The following ZFP69B variants were observed in gnomAD, a reference collection of about 807,000 sequenced individuals.
The protein encoded by ZFP69B is ZFP69 zinc finger protein B, also known as zinc finger protein 69 homolog B.
ZFP69B carries 20 observed loss-of-function variants against 19.7 expected under a neutral mutation model. That is an observed-to-expected ratio of 1.02 (90% CI 0.71 to 1.48). The LOEUF is 1.48. Among genes scored for constraint, ZFP69B ranks in the 40% most tolerant of loss-of-function variants. The pLI is 0.00. For synonymous variants in ZFP69B, 220 were observed against 222.7 expected (o/e 0.99, Z 0.11); for missense variants, 583 against 632.6 (o/e 0.92, Z 0.84).
In ZFP69B at chr1:40,456,965, C is replaced by T. The variant is rs765299500; in HGVS notation, c.234C>T (p.Asp78=). The change falls in exon 3 of 5, where the codon GAC becomes GAT. Residue 78 remains aspartate (D), a synonymous_variant. Coordinates refer to ENST00000361584, the MANE Select transcript of ZFP69B (RefSeq NM_023070.3). ...TCTAGGAACTGTTAACCTTCAAGGACGTATCTGTGGACTTCACTCAGGAGG... is the reference window on the plus strand; with the variant it reads ...TCTAGGAACTGTTAACCTTCAAGGATGTATCTGTGGACTTCACTCAGGAGG... ...AESQELLTFK[D]VSVDFTQEEW... The T allele has an allele frequency of 5.6e-6, 9 of 1,613,912 alleles. No homozygotes were observed. The highest frequency in any genetic ancestry group is 1.1e-5 in the South Asian group (1 of 91,072).
At position 40,450,481 on chromosome 1, in the gene ZFP69B, C is replaced by A. The variant is rs183712738; in HGVS notation, c.-481C>A. ...CCCAAACAAAGAATTGGGTTGTATT[C>A]GTCTCTTTGTGCTTCCTGACATGTG... On this transcript the variant is annotated 5_prime_UTR_variant, in exon 1 of 5. Transcript: ENST00000361584. 1.4e-3 allele frequency among the ~76,000 whole-genome samples: 209 copies of A among 152,296 alleles called. No individual in the cohort carries two copies. The highest frequency in any genetic ancestry group is 4.9e-3 in the African/African-American group (204 of 41,560).
At position 40,462,866 on chromosome 1, in the gene ZFP69B, T is replaced by G. The variant is rs527970050; in HGVS notation, c.882T>G (p.Leu294=). 6.2e-7 allele frequency: 1 copy of G among 1,614,172 alleles called. No homozygotes were observed. The highest frequency in any genetic ancestry group is 1.3e-5 in the African/African-American group (1 of 75,068). ...AAATCTTCAAACAGCTTATTCACCT[T>G]ACTGAACACATGAGAATTCATACCG... ...CEKIFKQLIH[L]TEHMRIHTGE... is the part of the protein sequence containing the mutation. Residue 294 remains leucine, a synonymous_variant, in exon 5 of 5, where the codon CTT becomes CTG. Coordinates refer to ENST00000361584, the MANE Select transcript of ZFP69B (RefSeq NM_023070.3).
At position 40,463,135 on chromosome 1, in the gene ZFP69B, C is replaced by T. The variant is rs1557517912; in HGVS notation, c.1151C>T (p.Thr384Ile). 1.2e-6 allele frequency: 2 copies of T among 1,614,142 alleles called. No homozygotes were observed. The highest frequency in any genetic ancestry group is 2.2e-5 in the South Asian group (2 of 91,090). Residue 384 changes from threonine to isoleucine, a missense_variant, in exon 5 of 5, where the codon ACT (threonine) becomes ATT (isoleucine). Thr to Ile is a moderately conservative substitution (Grantham distance 89). Coordinates refer to ENST00000361584, the MANE Select transcript of ZFP69B (RefSeq NM_023070.3). Reference sequence around the variant, plus strand: ...ATTGGACTGATCCAGCATTTGAGAACTCATGTTAGAGAGAAACCTTTTACA... The same window carrying T: ...ATTGGACTGATCCAGCATTTGAGAATTCATGTTAGAGAGAAACCTTTTACA... ...QSIGLIQHLRTHVREKPFTCK... is the reference protein window; with the variant it reads ...QSIGLIQHLRIHVREKPFTCK...
chr1:40,457,480 A>G, intron 4 of ZFP69B, 41 bp downstream of exon 4: 2 of 1,564,582 alleles, frequency 1.3e-6, no homozygotes, highest in South Asian at 1.1e-5. Flanking sequence ...TGTTAGCCAG[A>G]GAATTCCCCT....
At chr1:40,456,897 A>G (rs1351691490) in intron 2 of ZFP69B, 48 bp from the exon 3 acceptor site, 2 of 1,576,280 alleles carry the variant, frequency 1.3e-6, no homozygotes. Context: ...CAAAAGTCAG[A>G]ACAACTTCCC....
intron 1 of ZFP69B, among the ~76,000 whole-genome samples, chr1:40,451,766 C>G (rs1228788194): frequency 2.6e-5 from 4 of 152,002 alleles, no homozygotes; most frequent in African/African-American, 9.7e-5. Flanking sequence ...CTTTTAGATC[C>G]TCTTCAGTTG....
chr1:40,454,883 G>A (rs1292987677), intron 2 of ZFP69B, among the ~76,000 whole-genome samples: 1 of 152,200 alleles, frequency 6.6e-6, no homozygotes, highest in African/African-American at 2.4e-5. Flanking sequence ...AGGAAATAGA[G>A]AGGAGAAGAA....
At position 40,462,624 on chromosome 1, in the gene ZFP69B, A is replaced by G; in HGVS notation, c.640A>G (p.Lys214Glu). 6.2e-7 allele frequency: 1 copy of G among 1,613,978 alleles called. No individual in the cohort carries two copies. The change falls in exon 5 of 5, where the codon AAG becomes GAG. Residue 214 changes from lysine (K) to glutamate (E), a missense_variant. Coordinates refer to ENST00000361584, the MANE Select transcript of ZFP69B (RefSeq NM_023070.3). The stretch of plus-strand genomic sequence containing the variant: ...TAAGGGGCAAATCCCCCTGATGTGC[A>G]AGAAAACATTCACTCAGGAGAGAGG... ...MGKGQIPLMC[K>E]KTFTQERGQE... is the part of the protein sequence containing the mutation.
Position 40,462,985 on chromosome 1 carries a change from C to T in ZFP69B, c.1001C>T (p.Pro334Leu). 1 of 1,614,018 alleles carries T rather than the reference C, an allele frequency of 6.2e-7. No homozygotes were observed. The highest frequency in any genetic ancestry group is 8.5e-7 in the Non-Finnish European group (1 of 1,180,004). Residue 334 changes from proline (P) to leucine (L), a missense_variant, in exon 5 of 5, where the codon CCC (proline) becomes CTC (leucine). Pro to Leu is a moderately conservative substitution (Grantham distance 98). Transcript: ENST00000361584. ...CAGAGAATTCATACTGGTGAGAAAC[C>T]CTATGAATGTAAGGAGTGTGGGAAA... ...PHQRIHTGEKPYECKECGKTF... is the reference protein window; with the variant it reads ...PHQRIHTGEKLYECKECGKTF...
intron 4 of ZFP69B, among the ~76,000 whole-genome samples, chr1:40,458,511 TG>T (rs1319660781): frequency 5.4e-4 from 75 of 138,834 alleles, no homozygotes; most frequent in African/African-American, 2.0e-3. Context: ...CTGGAGAAAT[TG>T]TTTTTTTTTT....
chr1:40,457,938 A>G (rs1299590907), intron 4 of ZFP69B, among the ~76,000 whole-genome samples: 1 of 152,224 alleles, frequency 6.6e-6, no homozygotes. Context: ...CATGCCAGAA[A>G]ATTTATGGCT....
At position 40,463,594 on chromosome 1, in the gene ZFP69B, T is replaced by A; in HGVS notation, c.*5T>A. ...ACCTTCAGCAATGTTGTGTGAAATA[T>A]ACTAAACATCAAAGAATCTATGTTG... is the stretch of plus-strand genomic sequence containing the variant. On this transcript the variant is annotated 3_prime_UTR_variant, in exon 5 of 5. Transcript: ENST00000361584. 6.3e-7 allele frequency: 1 copy of A among 1,577,698 alleles called. No individual in the cohort carries two copies. Among genetic ancestry groups the A allele is most frequent in the Non-Finnish European group, 8.6e-7 (1 of 1,161,078 alleles).
In ZFP69B at chr1:40,457,085, C is replaced by G. The variant is rs767285420; in HGVS notation, c.340+14C>G. On this transcript the variant is annotated intron_variant, in intron 3 of 4. Transcript: ENST00000361584. Reference sequence around the variant, plus strand: ...TGGTCTCAGTGGGTAAGGATGGGCTCCTCTTGAAAATAGAACGTACCTATT... The same window carrying G: ...TGGTCTCAGTGGGTAAGGATGGGCTGCTCTTGAAAATAGAACGTACCTATT... 7 of 1,587,272 alleles carry G rather than the reference C, an allele frequency of 4.4e-6. No homozygotes were observed. The East Asian group carries it at 1.3e-4, about 30-fold the overall frequency.
chr1:40,462,576 C>T lies in ZFP69B; in HGVS notation c.592C>T (p.Gln198Ter). 1 of 1,613,984 alleles carries T rather than the reference C, an allele frequency of 6.2e-7. No individual in the cohort carries two copies. Among genetic ancestry groups the T allele is most frequent in the Non-Finnish European group, 8.5e-7 (1 of 1,179,990 alleles). The change falls in exon 5 of 5, where the codon CAA becomes TAA. Residue 198 changes from glutamine to a stop codon, truncating the protein, a stop_gained. Transcript: ENST00000361584. LOFTEE classifies it low-confidence loss of function (END_TRUNC). ...CTCCAAATGTAATAAGCTAGAAAGCCAACAAGAGAACCAAAGAATGGGTAA... is the reference window on the plus strand; with the variant it reads ...CTCCAAATGTAATAAGCTAGAAAGCTAACAAGAGAACCAAAGAATGGGTAA... The part of the protein sequence containing the change: ...RISKCNKLES[Q>*]QENQRMGKGQ...
rs946487160 is a variant in ZFP69B, at chr1:40,462,978, G to A, written c.994G>A (p.Glu332Lys). 1 of 1,614,092 alleles carries A rather than the reference G, an allele frequency of 6.2e-7. No homozygotes were observed. Among genetic ancestry groups the A allele is most frequent in the East Asian group, 2.2e-5 (1 of 44,870 alleles). Residue 332 changes from glutamate (E) to lysine (K), a missense_variant, in exon 5 of 5, where the codon GAG becomes AAG. By Grantham distance (56) the Glu-to-Lys change is moderately conservative. Transcript: ENST00000361584. ...TCCGCATCAGAGAATTCATACTGGTGAGAAACCCTATGAATGTAAGGAGTG... is the reference window on the plus strand; with the variant it reads ...TCCGCATCAGAGAATTCATACTGGTAAGAAACCCTATGAATGTAAGGAGTG... The part of the protein sequence containing the change: ...LIPHQRIHTG[E>K]KPYECKECGK...
At position 40,463,019 on chromosome 1, in the gene ZFP69B, A is replaced by T; in HGVS notation, c.1035A>T (p.Arg345Ser). 1 of 1,614,078 alleles carries T rather than the reference A, an allele frequency of 6.2e-7. No homozygotes were observed. Residue 345 changes from arginine (R) to serine (S), a missense_variant, in exon 5 of 5, where the codon AGA (arginine) becomes AGT (serine). By Grantham distance (110) the Arg-to-Ser change is moderately radical. Transcript: ENST00000361584. ...GTAAGGAGTGTGGGAAAACCTTCAG[A>T]CATCCTTCATCGCTTACTCAACATG... ...YECKECGKTFRHPSSLTQHVR... is the reference protein window; with the variant it reads ...YECKECGKTFSHPSSLTQHVR...
rs1557505134 is a variant in ZFP69B at position 40,454,286 on chromosome 1, C to G, written c.211C>G (p.Gln71Glu). The G allele has an allele frequency of 6.4e-7, 1 of 1,573,844 alleles. No individual in the cohort carries two copies. Among genetic ancestry groups the G allele is most frequent in the Non-Finnish European group, 8.6e-7 (1 of 1,157,966 alleles). Residue 71 changes from glutamine to glutamate, a missense_variant and splice_region_variant, in exon 2 of 5, where the codon CAG (glutamine) becomes GAG (glutamate). Coordinates refer to ENST00000361584, the MANE Select transcript of ZFP69B (RefSeq NM_023070.3). The part of the protein sequence containing the change: ...VTLGSLTAES[Q>E]ELLTFKDVSV... ...CCTTGGATCCCTGACAGCAGAATCC[C>G]AGGTGGGTTGGAGTTTCTGGTCACT...
chr1:40,462,215 T>G (rs1161542977), intron 4 of ZFP69B, among the ~76,000 whole-genome samples: 1 of 152,112 alleles, frequency 6.6e-6, no homozygotes, highest in African/African-American at 2.4e-5. Flanking sequence ...CCACCGCACC[T>G]GGTCCACCTT....
At position 40,456,937 on chromosome 1, in the gene ZFP69B, T is replaced by C. The variant is rs1221595403; in HGVS notation, c.214-8T>C. On this transcript the variant is annotated splice_region_variant and splice_polypyrimidine_tract_variant and intron_variant, in intron 2 of 4. Coordinates refer to ENST00000361584, the MANE Select transcript of ZFP69B (RefSeq NM_023070.3). The stretch of plus-strand genomic sequence containing the variant: ...TCTGGCTGAAAAGGAACGTATTTGA[T>C]GTTCTAGGAACTGTTAACCTTCAAG... The C allele has an allele frequency of 6.2e-7, 1 of 1,611,768 alleles. No homozygotes were observed. The highest frequency in any genetic ancestry group is 2.2e-5 in the East Asian group (1 of 44,856).
Sources: allele counts gnomAD v4.1 joint callset (sites outside exome capture counted in the v4.1 genomes callset), GRCh38; gene constraint gnomAD v4.1.1; transcripts MANE v1.5; gene names NCBI Gene and HGNC (gene_info 2026-07-23, HGNC 2026-07-21).